PCSK6: variants seen among roughly 807,000 people sequenced by gnomAD.
The protein encoded by PCSK6 is proprotein convertase subtilisin/kexin type 6.
Under a neutral mutation model 123.3 loss-of-function variants are expected in PCSK6, and 85 were observed. That is an observed-to-expected ratio of 0.69 (90% CI 0.58 to 0.83). The LOEUF is 0.83. PCSK6 is among the 40% of genes least tolerant of loss of function. The pLI, the probability that PCSK6 is intolerant of heterozygous loss-of-function variation, is 0.00. For missense variants in PCSK6, 1,191 were observed against 1,282.3 expected (o/e 0.93, Z 1.09); for synonymous variants, 508 against 516.0 (o/e 0.98, Z 0.21).
At chr15:101,453,075 T>C (rs2057077308) in intron 1 of PCSK6, among the ~76,000 whole-genome samples, 1 of 152,214 alleles carries the variant, frequency 6.6e-6, no homozygotes, top group African/African-American at 2.4e-5. Context: ...GCTTAAAGAA[T>C]GTATGGTCTA....
At chr15:101,467,915 C>G (rs2141226000) in intron 1 of PCSK6, among the ~76,000 whole-genome samples, 1 of 152,274 alleles carries the variant, frequency 6.6e-6, no homozygotes, top group South Asian at 2.1e-4. Flanking sequence ...TGGTAGGGTG[C>G]AAGGAACGCG....
rs552770287 is a variant in PCSK6 at position 101,346,519 on chromosome 15, G to A, written c.1859-14488C>T. 8.2e-4 allele frequency: 182 copies of A among 222,138 alleles called. 2 individuals are homozygous for A. In the South Asian group the frequency reaches 0.021, roughly 26 times the overall value. 13.8% of individuals were successfully genotyped at this position (222,138 alleles called of 1,614,324 possible). Reference sequence around the variant, plus strand: ...ACCAAGTAGAAATGCCTGTAGAGACGTAGTTTGAACACGAAGTGTTTCTGG... The same window carrying A: ...ACCAAGTAGAAATGCCTGTAGAGACATAGTTTGAACACGAAGTGTTTCTGG... On this transcript the variant is annotated intron_variant, in intron 13 of 21. Transcript: ENST00000611716.
chr15:101,376,897 C>T (rs2041762130), intron 11 of PCSK6, among the ~76,000 whole-genome samples: 1 of 152,164 alleles, frequency 6.6e-6, no homozygotes, highest in Admixed American at 6.5e-5. Flanking sequence ...GAGGAGAAAC[C>T]AGAAGTAAGG....
At chr15:101,444,677 T>A (rs906179996) in intron 1 of PCSK6, among the ~76,000 whole-genome samples, 1 of 152,154 alleles carries the variant, frequency 6.6e-6, no homozygotes, top group Non-Finnish European at 1.5e-5. Flanking sequence ...ATTTGACTCA[T>A]GGGAATCTCA....
chr15:101,346,744 A>G lies in PCSK6; in HGVS notation c.1859-14713T>C, dbSNP rs2040740195. 6.5e-6 allele frequency: 8 copies of G among 1,226,748 alleles called. No homozygotes were observed. In the South Asian group the frequency reaches 2.1e-4, roughly 33 times the overall value. 76.0% of individuals were successfully genotyped at this position (1,226,748 alleles called of 1,614,324 possible). Reference sequence around the variant, plus strand: ...AGATCTGTCATTTTCATTTTCATCAATGTTTAGTATTTTATTTGCAAAAAT... The same window carrying G: ...AGATCTGTCATTTTCATTTTCATCAGTGTTTAGTATTTTATTTGCAAAAAT... On this transcript the variant is annotated intron_variant, in intron 13 of 21. Coordinates refer to ENST00000611716, the MANE Select transcript of PCSK6 (RefSeq NM_002570.5).
chr15:101,431,642 G>A (rs569687966), intron 3 of PCSK6, 179 bp from the exon 4 acceptor site: 11 of 769,036 alleles, frequency 1.4e-5, no homozygotes, highest in Non-Finnish European at 2.2e-5. Context: ...TCATGCAGAC[G>A]GCTCCCTTGC....
intron 1 of PCSK6, among the ~76,000 whole-genome samples, chr15:101,445,366 C>T (rs746682287): frequency 1.1e-4 from 16 of 152,116 alleles, no homozygotes; most frequent in Admixed American, 2.6e-4. Context: ...AGGGTTGCTC[C>T]GAAATTTGAA....
chr15:101,384,140 A>G (rs1471183132), intron 10 of PCSK6, 182 bp downstream of exon 10: 1 of 1,402,090 alleles, frequency 7.1e-7, no homozygotes, highest in African/African-American at 1.4e-5. Context: ...TTCTTCCGTA[A>G]TGTCACTGTG....
intron 11 of PCSK6, among the ~76,000 whole-genome samples, chr15:101,377,422 C>T (rs1473049760): frequency 6.6e-6 from 1 of 152,124 alleles, no homozygotes; most frequent in Non-Finnish European, 1.5e-5. Flanking sequence ...CCTGCGGGAG[C>T]AGCTCAGCCC....
At chr15:101,343,135 AT>A (rs1403888618) in intron 13 of PCSK6, among the ~76,000 whole-genome samples, 61 of 152,084 alleles carry the variant, frequency 4.0e-4, no homozygotes, top group Admixed American at 9.2e-4. Context: ...GTTAAGTTGT[AT>A]TTTTTCTTGG....
chr15:101,376,035 A>G (rs1253393083), intron 11 of PCSK6, among the ~76,000 whole-genome samples: 4 of 152,166 alleles, frequency 2.6e-5, no homozygotes, highest in African/African-American at 9.7e-5. Flanking sequence ...CTCCATCTCA[A>G]ATAAAAACAA....
intron 13 of PCSK6, among the ~76,000 whole-genome samples, chr15:101,343,215 G>GT (rs145436809): frequency 0.19 from 28,649 of 152,004 alleles, 2,858 homozygotes; most frequent in Admixed American, 0.29. Context: ...ATAATCATGC[G>GT]TTTTTCTTTC....
intron 9 of PCSK6, 93 bp from the exon 10 acceptor site, chr15:101,384,518 G>C (rs1206720764): frequency 3.1e-6 from 3 of 959,708 alleles, no homozygotes; most frequent in Non-Finnish European, 4.8e-6. Context: ...GCCAACCCAC[G>C]TCTGAACTTC....
intron 6 of PCSK6, among the ~76,000 whole-genome samples, chr15:101,415,374 T>C (rs927830810): frequency 2.6e-5 from 4 of 152,354 alleles, no homozygotes; most frequent in South Asian, 2.1e-4. Context: ...TAGCCGACTG[T>C]TGCCATTAAG....
chr15:101,374,350 G>A (rs1294627218), intron 11 of PCSK6, among the ~76,000 whole-genome samples: 1 of 152,120 alleles, frequency 6.6e-6, no homozygotes, highest in Admixed American at 6.5e-5. Flanking sequence ...GTAACCGAGT[G>A]CCAGGGGAAG....
At chr15:101,461,158 T>C (rs2057332085) in intron 1 of PCSK6, among the ~76,000 whole-genome samples, 1 of 151,890 alleles carries the variant, frequency 6.6e-6, no homozygotes, top group African/African-American at 2.4e-5. Flanking sequence ...AACGAATAAA[T>C]AACATGATAA....
intron 1 of PCSK6, among the ~76,000 whole-genome samples, chr15:101,469,582 AC>A (rs1490380015): frequency 6.6e-6 from 1 of 152,218 alleles, no homozygotes. Flanking sequence ...GGTGGTGGGC[AC>A]GAGCCCCGAA....
intron 1 of PCSK6, among the ~76,000 whole-genome samples, chr15:101,464,492 TGGACCTCCG>T (rs1017630357): frequency 6.6e-6 from 1 of 152,320 alleles, no homozygotes; most frequent in African/African-American, 2.4e-5. Flanking sequence ...GTCAGTATGC[TGGACCTCCG>T]GGACATCCTG....
chr15:101,382,297 G>A, intron 10 of PCSK6, 88 bp from the exon 11 acceptor site: 1 of 1,014,138 alleles, frequency 9.9e-7, no homozygotes, highest in South Asian at 1.5e-5. Context: ...GGGCCCCATG[G>A]AGGACAGAGG....
Sources: allele counts gnomAD v4.1 joint callset (sites outside exome capture counted in the v4.1 genomes callset), GRCh38; gene constraint gnomAD v4.1.1; transcripts MANE v1.5; gene names NCBI Gene and HGNC (gene_info 2026-07-23, HGNC 2026-07-21).